The following NSRP1 variants were observed in gnomAD, a reference collection of about 807,000 sequenced individuals.
NSRP1 encodes nuclear speckle splicing regulatory protein 1, also known as coiled-coil domain containing 55.
Under a neutral mutation model 54.7 loss-of-function variants are expected in NSRP1, and 24 were observed. The observed-to-expected ratio is 0.44, with a 90% CI of 0.32 to 0.62. The LOEUF (loss-of-function observed/expected upper bound fraction) is 0.62. NSRP1 is among the 20% of genes least tolerant of loss of function. NSRP1 has a pLI of 0.06. For missense variants in NSRP1, 596 were observed against 651.2 expected, an observed-to-expected ratio of 0.92 and a Z score of 0.92; for synonymous variants, 210 against 213.8, an observed-to-expected ratio of 0.98 and a Z score of 0.15.
At position 30,116,879 on chromosome 17, in the gene NSRP1, G is replaced by T; in HGVS notation, c.20+16G>T. The T allele has an allele frequency of 6.4e-7, 1 of 1,570,078 alleles. No individual in the cohort carries two copies. The highest frequency in any genetic ancestry group is 8.6e-7 in the Non-Finnish European group (1 of 1,157,018). ...CGGGCAGGCAGTGAGTGATCCGGGA[G>T]TTAGGGTCAGGCTGGGGGATGAGAA... On this transcript the variant is annotated intron_variant, in intron 1 of 6. Transcript: ENST00000247026.
intron 2 of NSRP1, chr17:30,125,965 C>T (rs933032969): frequency 6.6e-6 from 1 of 152,152 alleles, no homozygotes. Flanking sequence ...AGTAAGAAAG[C>T]ATATTCTGAT....
chr17:30,184,493 GTATA>G, intron 6 of NSRP1, 118 bp from the exon 7 acceptor site: 1 of 1,272,994 alleles, frequency 7.9e-7, no homozygotes, highest in Non-Finnish European at 1.0e-6. Context: ...TAATCAGACA[GTATA>G]TATCACTATA....
chr17:30,185,277 G>A lies in NSRP1; in HGVS notation c.1280G>A (p.Arg427Lys). The A allele has an allele frequency of 1.2e-6, 2 of 1,601,744 alleles. No individual in the cohort carries two copies. The highest frequency in any genetic ancestry group is 1.7e-6 in the Non-Finnish European group (2 of 1,175,810). ...KEEHMKVRKERYENNDKYRDR... is the reference protein window; with the variant it reads ...KEEHMKVRKEKYENNDKYRDR... ...GAGCATATGAAAGTAAGGAAGGAAA[G>A]ATATGAAAATAATGATAAATACAGA... Residue 427 changes from arginine to lysine, a missense_variant, in exon 7 of 7, where the codon AGA becomes AAA. By Grantham distance (26) the Arg-to-Lys change is conservative. Transcript: ENST00000247026.
intron 2 of NSRP1, among the ~76,000 whole-genome samples, chr17:30,154,156 A>T (rs759512874): frequency 7.9e-5 from 12 of 151,974 alleles, no homozygotes; most frequent in Non-Finnish European, 1.8e-4. Flanking sequence ...CCCCATCTCT[A>T]CAAAAAATAA....
intron 6 of NSRP1, 59 bp downstream of exon 6, chr17:30,181,075 G>A: frequency 1.8e-6 from 2 of 1,083,074 alleles, no homozygotes; most frequent in Non-Finnish European, 1.4e-6. Flanking sequence ...CTGTGGTTGT[G>A]GGGTCATTTT....
rs28573959 is a variant in NSRP1 at position 30,116,816 on chromosome 17, G to A, written c.-28G>A. ...TCGGCGTCAGCGTCACGGAGGCGTC[G>A]GCCACGTTCAGCGGACACGGGAGCA... On this transcript the variant is annotated 5_prime_UTR_variant, in exon 1 of 7. Transcript: ENST00000247026. The A allele has an allele frequency of 5.6e-3, 8,776 of 1,567,398 alleles. 422 individuals carry two copies. In the African/African-American group the frequency reaches 0.1, roughly 19 times the overall value.
intron 6 of NSRP1, among the ~76,000 whole-genome samples, chr17:30,182,500 G>A (rs866246561): frequency 1.3e-5 from 2 of 150,540 alleles, no homozygotes; most frequent in Non-Finnish European, 3.0e-5. Context: ...AAATTAGCTC[G>A]GCATTGTGGC....
At chr17:30,121,132 T>G (rs2071592743) in intron 2 of NSRP1, among the ~76,000 whole-genome samples, 1 of 152,192 alleles carries the variant, frequency 6.6e-6, no homozygotes, top group Non-Finnish European at 1.5e-5. Flanking sequence ...GTAACAGGAT[T>G]GGGCCAGATT....
chr17:30,181,015 A>C lies in NSRP1; in HGVS notation c.616A>C (p.Arg206=). 1 of 1,568,104 alleles carries C rather than the reference A, an allele frequency of 6.4e-7. No individual in the cohort carries two copies. The highest frequency in any genetic ancestry group is 1.7e-4 in the Middle Eastern group (1 of 5,968). Residue 206 remains arginine (R), a splice_region_variant and synonymous_variant, in exon 6 of 7, where the codon AGA becomes CGA. Coordinates refer to ENST00000247026, the MANE Select transcript of NSRP1 (RefSeq NM_032141.4). ...ACCTAAATGCAGCTTTCGTGAAGCC[A>C]GGTGAGGAGACGTGTATGAAATATT... ...EVPKCSFREA[R]SGIKEEKSRG...
intron 2 of NSRP1, among the ~76,000 whole-genome samples, chr17:30,120,245 C>T (rs1361955175): frequency 2.0e-5 from 3 of 152,106 alleles, no homozygotes; most frequent in Non-Finnish European, 2.9e-5. Context: ...ATTTTTTCCC[C>T]CTTAACAGTG....
chr17:30,155,555 T>G (rs1165898222), intron 2 of NSRP1, among the ~76,000 whole-genome samples: 2 of 152,170 alleles, frequency 1.3e-5, no homozygotes, highest in African/African-American at 4.8e-5. Flanking sequence ...GCTTTGTTTT[T>G]AAGAGATGGG....
rs779344597 is a variant in NSRP1, at chr17:30,167,468, G to GCC, written c.115-5073_115-5072insCC. On this transcript the variant is annotated intron_variant, in intron 2 of 6. Coordinates refer to ENST00000247026, the MANE Select transcript of NSRP1 (RefSeq NM_032141.4). ...TACTAAAAATACAAAAATTAGCTGG[G>GCC]CATGGTGGTGTGCGCCTGTATTCCC... Among the ~76,000 whole-genome samples, 16 of 152,152 alleles carry GCC rather than the reference G, an allele frequency of 1.1e-4. No homozygotes were observed. In the South Asian group the frequency reaches 3.3e-3, roughly 32 times the overall value.
chr17:30,168,445 A>C (rs1904812527), intron 2 of NSRP1, among the ~76,000 whole-genome samples: 1 of 151,792 alleles, frequency 6.6e-6, no homozygotes, highest in Non-Finnish European at 1.5e-5. Flanking sequence ...TTATAGATTC[A>C]AAAAAGACAC....
At chr17:30,121,453 CTT>C (rs200327930) in intron 2 of NSRP1, among the ~76,000 whole-genome samples, 27 of 121,740 alleles carry the variant, frequency 2.2e-4, no homozygotes, top group Non-Finnish European at 1.9e-4. Context: ...GATGCAAGAT[CTT>C]TTTTTTTTTT....
intron 2 of NSRP1, among the ~76,000 whole-genome samples, chr17:30,127,287 G>A (rs1444412044): frequency 6.6e-6 from 1 of 152,176 alleles, no homozygotes; most frequent in Non-Finnish European, 1.5e-5. Context: ...ATTTTGCAGA[G>A]CATAATGAAT....
intron 2 of NSRP1, among the ~76,000 whole-genome samples, chr17:30,148,353 A>G (rs1202416704): frequency 2.6e-5 from 4 of 152,228 alleles, no homozygotes; most frequent in South Asian, 2.1e-4. Flanking sequence ...ATCTATGTCT[A>G]TAAGTGGGAA....
intron 2 of NSRP1, chr17:30,127,987 A>G: frequency 5.0e-6 from 2 of 396,780 alleles, no homozygotes. Context: ...GGCACACACC[A>G]CCATGCCTGG....
chr17:30,185,487 G>A lies in NSRP1; in HGVS notation c.1490G>A (p.Gly497Glu), dbSNP rs748803640. 6.2e-7 allele frequency: 1 copy of A among 1,613,366 alleles called. No individual in the cohort carries two copies. Among genetic ancestry groups the A allele is most frequent in the Admixed American group, 1.7e-5 (1 of 59,846 alleles). The change falls in exon 7 of 7, where the codon GGA (glycine) becomes GAA (glutamate). Residue 497 changes from glycine to glutamate, a missense_variant. Coordinates refer to ENST00000247026, the MANE Select transcript of NSRP1 (RefSeq NM_032141.4). ...CCCTCTAATTCTGAATCATCACTGG[G>A]AGCAAAACACAGACTCACAGAGGAA... The part of the protein sequence containing the change: ...EKPSNSESSL[G>E]AKHRLTEEGQ...
At chr17:30,180,795 C>G in intron 5 of NSRP1, 113 bp from the exon 6 acceptor site, 1 of 656,888 alleles carries the variant, frequency 1.5e-6, no homozygotes, top group South Asian at 2.0e-5. Flanking sequence ...AGTTTGCCAA[C>G]TCCTGATCCA....
Sources: allele counts gnomAD v4.1 joint callset (sites outside exome capture counted in the v4.1 genomes callset), GRCh38; gene constraint gnomAD v4.1.1; transcripts MANE v1.5; gene names NCBI Gene and HGNC (gene_info 2026-07-23, HGNC 2026-07-21).